The following TENM2 variants were observed in gnomAD, a reference collection of about 807,000 sequenced individuals.
TENM2 encodes the protein teneurin transmembrane protein 2.
A neutral mutation model predicts 245.2 loss-of-function variants in TENM2; 52 were observed. The observed-to-expected ratio is 0.21, with a 90% CI of 0.17 to 0.27. The LOEUF (loss-of-function observed/expected upper bound fraction) is 0.27. Ranked by LOEUF, TENM2 falls within the 10% of genes least tolerant of loss-of-function variation. The probability of loss-of-function intolerance (pLI) is 1.00; values close to 1 mark genes in which losing one functional copy is unlikely to be tolerated. For synonymous variants in TENM2, 1,363 were observed against 1,438.9 expected, an observed-to-expected ratio of 0.95 and a Z score of 1.19; for missense variants, 3,046 against 3,666.8, an observed-to-expected ratio of 0.83 and a Z score of 4.37.
chr5:168,105,582 A>T (rs991952008), intron 9 of TENM2, among the ~76,000 whole-genome samples: 6 of 152,196 alleles, frequency 3.9e-5, no homozygotes, highest in Non-Finnish European at 8.8e-5. Flanking sequence ...TTGTGAATCA[A>T]TGAACATAGC....
At chr5:167,978,647 T>A (rs759953950) in intron 4 of TENM2, among the ~76,000 whole-genome samples, 4 of 151,852 alleles carry the variant, frequency 2.6e-5, no homozygotes, top group Non-Finnish European at 5.9e-5. Flanking sequence ...GGCGAGTTAC[T>A]GTTTAATAGA....
intron 5 of TENM2, among the ~76,000 whole-genome samples, chr5:168,003,725 T>C (rs1024225298): frequency 1.2e-4 from 18 of 152,220 alleles, no homozygotes; most frequent in Non-Finnish European, 1.5e-5. Flanking sequence ...CCTCATGAAC[T>C]ACTTAGATAA....
At chr5:167,086,223 A>C in the TENM2 span, among the ~76,000 whole-genome samples, 1 of 152,034 alleles carries the variant, frequency 6.6e-6, no homozygotes, top group Admixed American at 6.6e-5. Context: ...CAAACACCAC[A>C]ATTTTTTGCT....
At chr5:167,630,413 G>A (rs1428735415) in intron 2 of TENM2, among the ~76,000 whole-genome samples, 1 of 152,124 alleles carries the variant, frequency 6.6e-6, no homozygotes, top group African/African-American at 2.4e-5. Context: ...GGATGAGGCA[G>A]GACAGCATGG....
chr5:167,260,047 A>G, the TENM2 span, among the ~76,000 whole-genome samples: 50 of 152,282 alleles, frequency 3.3e-4, no homozygotes, highest in Non-Finnish European at 5.3e-4. Context: ...CATCTTGTAA[A>G]CACTTTATAC....
chr5:167,383,706 A>G (rs1440353178), intron 2 of TENM2, among the ~76,000 whole-genome samples: 1 of 143,404 alleles, frequency 7.0e-6, no homozygotes, highest in African/African-American at 2.7e-5. Context: ...TGATTTGAGC[A>G]TCATGATAAA....
At chr5:167,361,053 G>C (rs1051552360) in intron 1 of TENM2, among the ~76,000 whole-genome samples, 5 of 152,114 alleles carry the variant, frequency 3.3e-5, no homozygotes, top group Non-Finnish European at 5.9e-5. Context: ...ATACGAATGG[G>C]GGTATTTCTA....
In TENM2 at chr5:168,032,359, G is replaced by A. The variant is rs59625872; in HGVS notation, c.1187-15068G>A. 1.3e-3 allele frequency among the ~76,000 whole-genome samples: 203 copies of A among 152,304 alleles called. 1 individual carries two copies. The highest frequency in any genetic ancestry group is 4.6e-3 in the African/African-American group (190 of 41,556). ...GTTTGCCATATCTGGAGTATAGTAG[G>A]GGCTCAATAGTTGCTGGTGAATTTA... On this transcript the variant is annotated intron_variant, in intron 5 of 28. Transcript: ENST00000518659.
In TENM2 at chr5:167,331,235, C is replaced by CAAAA. The variant is rs34787036; in HGVS notation, c.227-43948_227-43945dup. Among the ~76,000 whole-genome samples the CAAAA allele has an allele frequency of 6.8e-4, 58 of 85,546 alleles. No individual in the cohort carries two copies. In the South Asian group the frequency reaches 0.015, roughly 22 times the overall value. The allele number at this position is 85,546 out of a possible 152,430, so 56.1% of individuals were successfully genotyped here. A position where few individuals can be genotyped will look rare whatever the true frequency, so the allele number is the denominator to read the frequency against. On this transcript the variant is annotated intron_variant, in intron 1 of 28. Coordinates refer to ENST00000518659, the Ensembl canonical transcript of TENM2. Reference sequence around the variant, plus strand: ...AGGGCAACAGAGTGAGACTCTGTCTCAAAAAAAAAAAAAAAAAAGACAAGA... The same window carrying CAAAA: ...AGGGCAACAGAGTGAGACTCTGTCTCAAAAAAAAAAAAAAAAAAAAAAGACAAGA...
At chr5:167,864,372 A>G (rs180713716) in intron 2 of TENM2, among the ~76,000 whole-genome samples, 67 of 152,356 alleles carry the variant, frequency 4.4e-4, no homozygotes, top group African/African-American at 1.5e-3. Context: ...TAAGGGGAAT[A>G]GAACACCTAT....
intron 27 of TENM2, among the ~76,000 whole-genome samples, chr5:168,256,513 C>T (rs1767679521): frequency 6.6e-6 from 1 of 151,544 alleles, no homozygotes; most frequent in Non-Finnish European, 1.5e-5. Flanking sequence ...GCAGCCTCCA[C>T]CTCCCGGGTT....
chr5:167,294,760 C>T lies in TENM2; in HGVS notation c.226+9697C>T, dbSNP rs547375949. On this transcript the variant is annotated intron_variant, in intron 1 of 28. Transcript: ENST00000518659. ...TCACATTTCAGTTTGCCACAGGCCC[C>T]GTTTCTGCCTTCTGTCTTACACCAG... Among the ~76,000 whole-genome samples, 25 of 152,272 alleles carry T rather than the reference C, an allele frequency of 1.6e-4. 1 individual carries two copies. The South Asian group carries it at 3.9e-3, about 24-fold the overall frequency.
At chr5:168,174,205 G>A (rs958047062) in intron 13 of TENM2, among the ~76,000 whole-genome samples, 1 of 152,142 alleles carries the variant, frequency 6.6e-6, no homozygotes, top group Non-Finnish European at 1.5e-5. Flanking sequence ...AGCAGGCGTG[G>A]CCTTTTGTTG....
intron 9 of TENM2, among the ~76,000 whole-genome samples, chr5:168,107,555 T>TG (rs5873090): frequency 3.2e-4 from 48 of 151,088 alleles, no homozygotes; most frequent in South Asian, 1.1e-3. Flanking sequence ...GCAAGCCTCC[T>TG]GGGGGGGGGG....
chr5:167,466,316 C>T (rs1766647989), intron 2 of TENM2, among the ~76,000 whole-genome samples: 2 of 152,228 alleles, frequency 1.3e-5, no homozygotes, highest in South Asian at 4.1e-4. Flanking sequence ...TGTTGTCAAA[C>T]ACAGCCTCAC....
the TENM2 span, among the ~76,000 whole-genome samples, chr5:167,150,376 T>C: frequency 6.6e-6 from 1 of 152,202 alleles, no homozygotes; most frequent in Non-Finnish European, 1.5e-5. Flanking sequence ...TATGGGCAAA[T>C]AAAAGAATTT....
At chr5:167,997,923 A>T (rs1251024301) in intron 5 of TENM2, among the ~76,000 whole-genome samples, 1 of 152,176 alleles carries the variant, frequency 6.6e-6, no homozygotes, top group Non-Finnish European at 1.5e-5. Flanking sequence ...CCATATGTCC[A>T]CTGTCAATGA....
chr5:168,030,739 G>A (rs1159587051), intron 5 of TENM2, among the ~76,000 whole-genome samples: 5 of 152,200 alleles, frequency 3.3e-5, no homozygotes, highest in Non-Finnish European at 5.9e-5. Context: ...GCTTTACCCT[G>A]TTGCAGCATC....
At chr5:167,397,401 C>T (rs1273334131) in intron 2 of TENM2, among the ~76,000 whole-genome samples, 1 of 152,030 alleles carries the variant, frequency 6.6e-6, no homozygotes, top group Non-Finnish European at 1.5e-5. Context: ...CAAAAACATT[C>T]TGAAAATTAA....
Sources: gnomAD v4.1 joint callset for allele counts (sites outside exome capture counted in the v4.1 genomes callset) on GRCh38, gnomAD v4.1.1 for gene constraint, MANE v1.5 for transcripts, NCBI Gene and HGNC (gene_info 2026-07-23, HGNC 2026-07-21) for gene names.